Variants in DIP2A observed in about 807,000 individuals in gnomAD.
The protein encoded by DIP2A is disco-interacting protein 2 homolog A.
Under a neutral mutation model 177.4 loss-of-function variants are expected in DIP2A, and 85 were observed. The observed-to-expected ratio is 0.48, with a 90% CI of 0.40 to 0.57. The LOEUF (loss-of-function observed/expected upper bound fraction) is 0.57, where lower values mean the gene tolerates loss of function less well. Among genes scored for constraint, DIP2A ranks in the 20% least tolerant of loss-of-function variants. DIP2A has a pLI of 0.00. For missense variants in DIP2A, 1,791 were observed against 2,100.2 expected, an observed-to-expected ratio of 0.85 and a Z score of 2.88; for synonymous variants, 886 against 881.8, an observed-to-expected ratio of 1.00 and a Z score of -0.08.
chr21:46,565,860 C>A lies in DIP2A; in HGVS notation c.4312C>A (p.Arg1438=), dbSNP rs1569122960. 1 of 1,613,832 alleles carries A rather than the reference C, an allele frequency of 6.2e-7. No individual in the cohort carries two copies. ...ARTGYLGFLR[R]TELTDASGGR... is the part of the protein sequence containing the mutation. ...GACCGGCTACCTTGGCTTCCTTCGG[C>A]GAACAGAGCTCACTGATGCCAGTGG... The change falls in exon 36 of 38, where the codon CGA becomes AGA. Residue 1438 remains arginine, a synonymous_variant. Coordinates refer to ENST00000417564, the MANE Select transcript of DIP2A (RefSeq NM_015151.4).
At chr21:46,545,721 A>C (rs1046522141) in intron 19 of DIP2A, among the ~76,000 whole-genome samples, 160 bp from the exon 20 acceptor site, 1 of 152,222 alleles carries the variant, frequency 6.6e-6, no homozygotes, top group Non-Finnish European at 1.5e-5. Context: ...GAGATTGAGC[A>C]GCCAGGCCAC....
intron 32 of DIP2A, among the ~76,000 whole-genome samples, chr21:46,559,287 A>G (rs1021693156): frequency 3.3e-5 from 5 of 152,166 alleles, no homozygotes; most frequent in African/African-American, 1.2e-4. Flanking sequence ...AACCCTACAT[A>G]TTGAACGCCT....
In DIP2A at chr21:46,541,742, G is replaced by A. The variant is rs755804995; in HGVS notation, c.2037-14G>A. On this transcript the variant is annotated splice_polypyrimidine_tract_variant and intron_variant, in intron 17 of 37. Coordinates refer to ENST00000417564, the MANE Select transcript of DIP2A (RefSeq NM_015151.4). Reference sequence around the variant, plus strand: ...CCCCTCGTCAGTTAAACCCATGGTGGTTTTATTTTCTAGGCCACCTGATCT... The same window carrying A: ...CCCCTCGTCAGTTAAACCCATGGTGATTTTATTTTCTAGGCCACCTGATCT... 1 of 1,613,810 alleles carries A rather than the reference G, an allele frequency of 6.2e-7. No individual in the cohort carries two copies. Among genetic ancestry groups the A allele is most frequent in the Admixed American group, 1.7e-5 (1 of 60,012 alleles).
chr21:46,557,013 C>A lies in DIP2A; in HGVS notation c.3573C>A (p.Ile1191=), dbSNP rs745968215. Residue 1191 remains isoleucine, a synonymous_variant, in exon 30 of 38, where the codon ATC becomes ATA. Coordinates refer to ENST00000417564, the MANE Select transcript of DIP2A (RefSeq NM_015151.4). The surrounding 1 kb of genome is among the most constrained non-coding windows in gnomAD (Gnocchi z 6.0). ...GTGAGCTGTACCCCTCGCGGCAGAT[C>A]GCCATCTGCCTCGACCCCTACTGTG... is the stretch of plus-strand genomic sequence containing the variant. ...LQCELYPSRQ[I]AICLDPYCGL... 4 of 1,602,044 alleles carry A rather than the reference C, an allele frequency of 2.5e-6. No homozygotes were observed. Among genetic ancestry groups the A allele is most frequent in the Middle Eastern group, 1.7e-4 (1 of 5,958 alleles).
chr21:46,465,648 C>T (rs1308729856), intron 1 of DIP2A, among the ~76,000 whole-genome samples: 1 of 152,026 alleles, frequency 6.6e-6, no homozygotes, highest in East Asian at 1.9e-4. Context: ...CCAAGTGTCA[C>T]TGATAGTCAT....
chr21:46,547,392 G>T (rs1271572681), intron 21 of DIP2A, among the ~76,000 whole-genome samples: 1 of 152,266 alleles, frequency 6.6e-6, no homozygotes, highest in South Asian at 2.1e-4. Flanking sequence ...ACAGAAAAGT[G>T]CCATTTTCTC....
intron 3 of DIP2A, among the ~76,000 whole-genome samples, chr21:46,495,033 G>C (rs1168013110): frequency 1.3e-5 from 2 of 152,272 alleles, no homozygotes; most frequent in East Asian, 3.9e-4. Context: ...TCACTGTACA[G>C]AGGTAAGACA....
intron 8 of DIP2A, among the ~76,000 whole-genome samples, chr21:46,526,991 C>T (rs911487364): frequency 1.3e-5 from 2 of 148,668 alleles, no homozygotes; most frequent in African/African-American, 2.6e-5. Context: ...TGCCCCTTAT[C>T]ACATTAAGGA....
At chr21:46,472,282 C>G (rs1276712195) in intron 1 of DIP2A, among the ~76,000 whole-genome samples, 1 of 152,196 alleles carries the variant, frequency 6.6e-6, no homozygotes. Context: ...AGCTTTCAGT[C>G]TCCAGAACTG....
rs188407420 is a variant in DIP2A, at chr21:46,491,103, C to A, written c.283+384C>A. Among the ~76,000 whole-genome samples, 14 of 152,198 alleles carry A rather than the reference C, an allele frequency of 9.2e-5. No individual in the cohort carries two copies. In the East Asian group the frequency reaches 2.7e-3, roughly 29 times the overall value. On this transcript the variant is annotated intron_variant, in intron 3 of 37. Coordinates refer to ENST00000417564, the MANE Select transcript of DIP2A (RefSeq NM_015151.4). ...GCTAGGTGCAGGTGTTTTAGTATTTCTTTTTCTAATTTTGGAGATTTCCTT... is the reference window on the plus strand; with the variant it reads ...GCTAGGTGCAGGTGTTTTAGTATTTATTTTTCTAATTTTGGAGATTTCCTT...
At chr21:46,480,352 G>T (rs1018020860) in intron 1 of DIP2A, among the ~76,000 whole-genome samples, 1 of 152,104 alleles carries the variant, frequency 6.6e-6, no homozygotes, top group Non-Finnish European at 1.5e-5. Flanking sequence ...GAACAGCATG[G>T]GGAAAAACCT....
chr21:46,463,160 G>A (rs997604568), intron 1 of DIP2A: 1 of 152,238 alleles, frequency 6.6e-6, no homozygotes. Flanking sequence ...AACACATACA[G>A]AAGAATTCAT....
chr21:46,477,540 GAT>G (rs2055960996), intron 1 of DIP2A, among the ~76,000 whole-genome samples: 1 of 27,176 alleles, frequency 3.7e-5, no homozygotes, highest in African/African-American at 2.5e-4. Flanking sequence ...TAAAAAAAAA[GAT>G]TTGTGTGTGT....
intron 1 of DIP2A, among the ~76,000 whole-genome samples, chr21:46,468,917 C>G (rs1272178724): frequency 2.0e-5 from 3 of 152,056 alleles, no homozygotes; most frequent in African/African-American, 7.2e-5. Context: ...GCTTCATTGC[C>G]AGCTATTCTG....
At chr21:46,489,553 C>T (rs1342789253) in intron 2 of DIP2A, among the ~76,000 whole-genome samples, 1 of 152,140 alleles carries the variant, frequency 6.6e-6, no homozygotes, top group Admixed American at 6.5e-5. Context: ...TCGCCTTTCA[C>T]GACTAGCCTT....
intron 1 of DIP2A, among the ~76,000 whole-genome samples, chr21:46,461,271 C>CAAAAAAAAAAAAAAAAAAAAAAAA (rs60346777): frequency 1.4e-4 from 7 of 49,318 alleles, no homozygotes; most frequent in Non-Finnish European, 1.7e-4. Context: ...CTCTTCTCAC[C>CAAAAAAAAAAAAAAAAAAAAAAAA]AAAAAAAAAA....
At chr21:46,472,799 G>C (rs1326565224) in intron 1 of DIP2A, among the ~76,000 whole-genome samples, 1 of 152,160 alleles carries the variant, frequency 6.6e-6, no homozygotes, top group Non-Finnish European at 1.5e-5. Context: ...CCCTGTAGCT[G>C]GTTGGGTGTT....
intron 1 of DIP2A, among the ~76,000 whole-genome samples, chr21:46,469,457 G>A (rs2055160156): frequency 6.6e-6 from 1 of 152,254 alleles, no homozygotes; most frequent in African/African-American, 2.4e-5. Flanking sequence ...TAAGTGCACT[G>A]TTGCTCCTGT....
Position 46,529,225 on chromosome 21 carries a change from A to G in DIP2A, c.1194+42A>G. On this transcript the variant is annotated intron_variant, in intron 9 of 37. Transcript: ENST00000417564. ...TCACTTTGTTGGAAGGAGCAAAAGC[A>G]GGGACTTAAATAATCTGTTTCATTG... 4 of 1,180,172 alleles carry G rather than the reference A, an allele frequency of 3.4e-6. 1 individual carries two copies. The highest frequency in any genetic ancestry group is 4.8e-6 in the Non-Finnish European group (4 of 825,978). The allele number at this position is 1,180,172 out of a possible 1,614,324, so 73.1% of individuals were successfully genotyped here. A position where few individuals can be genotyped will look rare whatever the true frequency, so the allele number is the denominator to read the frequency against.
Sources: allele counts gnomAD v4.1 joint callset (sites outside exome capture counted in the v4.1 genomes callset), GRCh38; gene constraint gnomAD v4.1.1; non-coding constraint Gnocchi (gnomAD v3.1); transcripts MANE v1.5; gene names NCBI Gene and HGNC (gene_info 2026-07-23, HGNC 2026-07-21).